JAM3: variants seen among roughly 807,000 people sequenced by gnomAD.
JAM3 encodes the protein junctional adhesion molecule 3.
In JAM3, 31 loss-of-function variants were observed where a neutral mutation model predicts 39.4. The ratio of observed to expected loss-of-function variants is 0.79; its 90% CI spans 0.59 to 1.06. The LOEUF is 1.06. Ranked by LOEUF, JAM3 falls within the 50% of genes least tolerant of loss-of-function variation. The pLI, the probability that JAM3 is intolerant of heterozygous loss-of-function variation, is 0.00. For synonymous variants in JAM3, 182 were observed against 148.7 expected (o/e 1.22, Z -1.63); for missense variants, 455 against 391.4 (o/e 1.16, Z -1.37).
chr11:134,127,189 T>A (rs994227519), intron 1 of JAM3, among the ~76,000 whole-genome samples: 28 of 152,176 alleles, frequency 1.8e-4, no homozygotes, highest in African/African-American at 5.8e-4. Flanking sequence ...AAGTGCTGGC[T>A]CCATCACTTG....
At chr11:134,144,671 C>T (rs570332667) in intron 4 of JAM3, 121 bp from the exon 5 acceptor site, 37 of 944,780 alleles carry the variant, frequency 3.9e-5, no homozygotes, top group Middle Eastern at 3.1e-4. Context: ...ATCCTGGGAA[C>T]AGCAGTGGCG....
At chr11:134,119,311 G>C (rs1276382552) in intron 1 of JAM3, among the ~76,000 whole-genome samples, 10 of 152,200 alleles carry the variant, frequency 6.6e-5, no homozygotes, top group Non-Finnish European at 1.3e-4. Flanking sequence ...CACCTGCTTT[G>C]AGGTCTTCCT....
intron 1 of JAM3, among the ~76,000 whole-genome samples, chr11:134,077,751 A>ATTC (rs1297979761): frequency 6.9e-6 from 1 of 144,398 alleles, no homozygotes; most frequent in African/African-American, 2.6e-5. Flanking sequence ...ACCTCAAGTG[A>ATTC]TTCTCCTGCC....
At chr11:134,144,193 A>G in intron 3 of JAM3, 48 bp from the exon 4 acceptor site, 1 of 1,611,688 alleles carries the variant, frequency 6.2e-7, no homozygotes. Context: ...TTCAAGTGGC[A>G]AAGATTTCTT....
At chr11:134,145,852 C>G (rs1233393098) in intron 5 of JAM3, 94 bp from the exon 6 acceptor site, 2 of 818,532 alleles carry the variant, frequency 2.4e-6, no homozygotes, top group Non-Finnish European at 2.2e-6. Context: ...AGCAAGCGAG[C>G]AGGTGTCGAC....
intron 1 of JAM3, among the ~76,000 whole-genome samples, chr11:134,119,145 C>G (rs1942490121): frequency 6.6e-6 from 1 of 151,950 alleles, no homozygotes; most frequent in South Asian, 2.1e-4. Flanking sequence ...AGGCTGGTCT[C>G]AAACTCCTGA....
intron 1 of JAM3, among the ~76,000 whole-genome samples, chr11:134,077,899 G>T (rs1056779781): frequency 6.6e-5 from 10 of 151,826 alleles, no homozygotes; most frequent in Non-Finnish European, 1.2e-4. Context: ...TGATCCGCCC[G>T]CCTCGGCTTC....
intron 1 of JAM3, among the ~76,000 whole-genome samples, chr11:134,117,089 C>A (rs999445050): frequency 6.6e-6 from 1 of 151,974 alleles, no homozygotes; most frequent in Admixed American, 6.6e-5. Context: ...CGGCCAGGCA[C>A]AGTGGCTCAT....
At chr11:134,086,363 A>C (rs948535132) in intron 1 of JAM3, among the ~76,000 whole-genome samples, 3 of 152,030 alleles carry the variant, frequency 2.0e-5, no homozygotes, top group Non-Finnish European at 4.4e-5. Flanking sequence ...ATTTTCCTAT[A>C]TTGGAAAAAT....
chr11:134,124,178 A>G, intron 1 of JAM3: 1 of 1,463,042 alleles, frequency 6.8e-7, no homozygotes, highest in Admixed American at 1.7e-5. Context: ...GAGCTTTATC[A>G]TACGTAGCAT....
chr11:134,130,215 G>A lies in JAM3; in HGVS notation c.77-9636G>A, dbSNP rs1036686868. Among the ~76,000 whole-genome samples the A allele has an allele frequency of 1.8e-4, 28 of 152,290 alleles. No homozygotes were observed. The East Asian group carries it at 5.0e-3, about 27-fold the overall frequency. Reference sequence around the variant, plus strand: ...CATAAGCCCACAATGCCAGTTTACCGACTTACAGTGAGAATGAGAGCTCCG... The same window carrying A: ...CATAAGCCCACAATGCCAGTTTACCAACTTACAGTGAGAATGAGAGCTCCG... On this transcript the variant is annotated intron_variant, in intron 1 of 8. Coordinates refer to ENST00000299106, the MANE Select transcript of JAM3 (RefSeq NM_032801.5).
intron 6 of JAM3, 53 bp downstream of exon 6, chr11:134,146,098 C>CA (rs1387673786): frequency 1.9e-5 from 23 of 1,201,828 alleles, no homozygotes; most frequent in Admixed American, 3.4e-5. Flanking sequence ...GTGAATAGAA[C>CA]ATTTTAATTT....
chr11:134,115,634 G>A (rs949142380), intron 1 of JAM3, among the ~76,000 whole-genome samples: 5 of 152,100 alleles, frequency 3.3e-5, no homozygotes, highest in African/African-American at 1.2e-4. Context: ...GTGCTGTGCG[G>A]CTAATGCCTG....
chr11:134,087,098 C>A (rs1019814982), intron 1 of JAM3, among the ~76,000 whole-genome samples: 5 of 152,194 alleles, frequency 3.3e-5, no homozygotes, highest in African/African-American at 1.2e-4. Flanking sequence ...AGCCACCACA[C>A]CTGGCCAAGA....
In JAM3 at chr11:134,146,119, C is replaced by T. The variant is rs948086715; in HGVS notation, c.712+74C>T. ...AGAACATTTTAATTTAATATTATAC[C>T]ATCAGCTTAGAGAACTCTTCCGCCA... On this transcript the variant is annotated intron_variant, in intron 6 of 8. Coordinates refer to ENST00000299106, the MANE Select transcript of JAM3 (RefSeq NM_032801.5). The T allele has an allele frequency of 2.3e-5, 24 of 1,038,516 alleles. No homozygotes were observed. The African/African-American group carries it at 2.7e-4, about 12-fold the overall frequency. The allele number at this position is 1,038,516 out of a possible 1,614,324, so 64.3% of individuals were successfully genotyped here.
intron 1 of JAM3, among the ~76,000 whole-genome samples, chr11:134,076,224 G>A (rs1234750985): frequency 7.2e-6 from 1 of 139,544 alleles, no homozygotes; most frequent in African/African-American, 2.7e-5. Flanking sequence ...GTGCAATCTC[G>A]GCTCACCGCA....
At chr11:134,117,375 A>C (rs558234148) in intron 1 of JAM3, among the ~76,000 whole-genome samples, 76 of 126,706 alleles carry the variant, frequency 6.0e-4, no homozygotes, top group African/African-American at 2.6e-3. Flanking sequence ...AAAAAACTCC[A>C]TCTCAAAAAA....
chr11:134,081,839 C>G (rs941481457), intron 1 of JAM3, among the ~76,000 whole-genome samples: 8 of 152,246 alleles, frequency 5.3e-5, no homozygotes, highest in Admixed American at 5.2e-4. Context: ...GGAAAAGCCA[C>G]AGACACTGAA....
chr11:134,113,197 TG>T lies in JAM3; in HGVS notation c.77-26652del, dbSNP rs1555116237. On this transcript the variant is annotated intron_variant, in intron 1 of 8. Coordinates refer to ENST00000299106, the MANE Select transcript of JAM3 (RefSeq NM_032801.5). ...ATGTGGGTTCTGGGACTGGACTGTC[TG>T]GTTTTTTTTTTTTTTAATACTTTAA... is the stretch of plus-strand genomic sequence containing the variant. Among the ~76,000 whole-genome samples the T allele has an allele frequency of 4.8e-5, 6 of 125,654 alleles. No individual in the cohort carries two copies. The South Asian group carries it at 1.2e-3, about 25-fold the overall frequency. The allele number at this position is 125,654 out of a possible 152,430, so 82.4% of individuals were successfully genotyped here. A position where few individuals can be genotyped will look rare whatever the true frequency, so the allele number is the denominator to read the frequency against.
Sources: gnomAD v4.1 joint callset for allele counts (sites outside exome capture counted in the v4.1 genomes callset) on GRCh38, gnomAD v4.1.1 for gene constraint, MANE v1.5 for transcripts, NCBI Gene and HGNC (gene_info 2026-07-23, HGNC 2026-07-21) for gene names.